CHRNB2: variants seen among roughly 807,000 people sequenced by gnomAD.
CHRNB2 encodes the protein cholinergic receptor nicotinic beta 2 subunit, also known as neuronal acetylcholine receptor subunit beta-2.
Under a neutral mutation model 42.7 loss-of-function variants are expected in CHRNB2, and 33 were observed. The ratio of observed to expected loss-of-function variants is 0.77; its 90% CI spans 0.59 to 1.03. The LOEUF (loss-of-function observed/expected upper bound fraction) is 1.03, where lower values mean the gene tolerates loss of function less well. CHRNB2 is among the 50% of genes least tolerant of loss of function. CHRNB2 has a pLI of 0.00. For missense variants in CHRNB2, 603 were observed against 700.9 expected (o/e 0.86, Z 1.58); for synonymous variants, 325 against 292.9 (o/e 1.11, Z -1.12).
rs1696329793 is a variant in CHRNB2, at chr1:154,578,644, GGA to G, written c.*2716_*2717del. The G allele has an allele frequency of 2.0e-5, 3 of 152,310 alleles. No homozygotes were observed. The highest frequency in any genetic ancestry group is 2.0e-4 in the Admixed American group (3 of 15,284). The allele number at this position is 152,310 out of a possible 1,614,324, so 9.4% of individuals were successfully genotyped here. ...CCAGGCAAGGTGCTACCATGTGGTG[GGA>G]GAGTGTGAACCCTCAAGTGCACTGG... On this transcript the variant is annotated 3_prime_UTR_variant, in exon 6 of 6. Coordinates refer to ENST00000368476, the MANE Select transcript of CHRNB2 (RefSeq NM_000748.3).
At chr1:154,568,163 A>G in intron 1 of CHRNB2, 55 bp downstream of exon 1, 1 of 1,548,624 alleles carries the variant, frequency 6.5e-7, no homozygotes, top group African/African-American at 1.4e-5. Context: ...ACGGCCCAAG[A>G]CTCGCCGCCC....
rs1417926372 is a variant in CHRNB2 at position 154,576,607 on chromosome 1, C to A, written c.*675C>A. 25 of 159,354 alleles carry A rather than the reference C, an allele frequency of 1.6e-4. No homozygotes were observed. Among genetic ancestry groups the A allele is most frequent in the Admixed American group, 1.5e-3 (25 of 16,782 alleles). The allele number at this position is 159,354 out of a possible 1,614,324, so 9.9% of individuals were successfully genotyped here. On this transcript the variant is annotated 3_prime_UTR_variant, in exon 6 of 6. Transcript: ENST00000368476. ...GATCCTCTTTCCCCACTGAAGAATT[C>A]TGCACCCTCTGGACTTCCCTCTTCT...
In CHRNB2 at chr1:154,567,847, T is replaced by C. The variant is rs1696087180; in HGVS notation, c.-198T>C. The C allele has an allele frequency of 2.1e-6, 1 of 474,096 alleles. No individual in the cohort carries two copies. The highest frequency in any genetic ancestry group is 3.6e-6 in the Non-Finnish European group (1 of 274,288). The allele number at this position is 474,096 out of a possible 1,614,324, so 29.4% of individuals were successfully genotyped here. A position where few individuals can be genotyped will look rare whatever the true frequency, so the allele number is the denominator to read the frequency against. On this transcript the variant is annotated 5_prime_UTR_variant, in exon 1 of 6. Transcript: ENST00000368476. ...AGCCGGAAAAGCCTCCGCCTGCTCA[T>C]ACCAGGATAGGCAAGAAGCTGGTTT...
Position 154,571,887 on chromosome 1 carries a change from ATT to A in CHRNB2, c.1065_1066del (p.His355GlnfsTer14). Reference sequence around the variant, plus strand: ...CTCTTCATGCAGCAGCCACGCCATCATTGCGCCCGTCAGCGCCTGCGCCTGCG... The same window carrying A: ...CTCTTCATGCAGCAGCCACGCCATCAGCGCCCGTCAGCGCCTGCGCCTGCG... On this transcript the variant is annotated frameshift_variant, in exon 5 of 6. Coordinates refer to ENST00000368476, the MANE Select transcript of CHRNB2 (RefSeq NM_000748.3). LOFTEE classifies it high-confidence loss of function. The surrounding 1 kb of genome is among the most constrained non-coding windows in gnomAD (Gnocchi z 6.8). 1 of 1,594,630 alleles carries A rather than the reference ATT, an allele frequency of 6.3e-7. No homozygotes were observed. Among genetic ancestry groups the A allele is most frequent in the Non-Finnish European group, 8.5e-7 (1 of 1,173,804 alleles).
In CHRNB2 at chr1:154,567,921, C is replaced by A; in HGVS notation, c.-124C>A. ...GCCCAGGAACCACCGCGGCGGCCGG[C>A]ACCACCTGGACCCAGCTCCAGGCGG... On this transcript the variant is annotated 5_prime_UTR_variant, in exon 1 of 6. Coordinates refer to ENST00000368476, the MANE Select transcript of CHRNB2 (RefSeq NM_000748.3). 1 of 865,402 alleles carries A rather than the reference C, an allele frequency of 1.2e-6. No homozygotes were observed. Among genetic ancestry groups the A allele is most frequent in the Non-Finnish European group, 1.6e-6 (1 of 622,016 alleles). 53.6% of individuals were successfully genotyped at this position (865,402 alleles called of 1,614,324 possible).
chr1:154,571,211 T>A lies in CHRNB2; in HGVS notation c.388T>A (p.Ser130Thr). ...CAGTGCTGACGGCATGTACGAGGTG[T>A]CCTTCTATTCCAATGCCGTGGTCTC... ...YNNADGMYEV[S>T]FYSNAVVSYD... The change falls in exon 5 of 6, where the codon TCC (serine) becomes ACC (threonine). Residue 130 changes from serine to threonine, a missense_variant. Transcript: ENST00000368476. This position sits in a 1 kb window ranked among gnomAD's most constrained non-coding sequence, Gnocchi z 6.8. The A allele has an allele frequency of 1.2e-6, 2 of 1,614,198 alleles. No homozygotes were observed. Among genetic ancestry groups the A allele is most frequent in the Non-Finnish European group, 1.7e-6 (2 of 1,180,042 alleles).
chr1:154,575,510 G>A (rs371001008), intron 5 of CHRNB2, among the ~76,000 whole-genome samples: 5 of 152,274 alleles, frequency 3.3e-5, no homozygotes, highest in African/African-American at 1.2e-4. Flanking sequence ...TTATGGGGTG[G>A]GAGGAGGAGG....
intron 5 of CHRNB2, among the ~76,000 whole-genome samples, chr1:154,573,648 C>T (rs572379102): frequency 6.6e-6 from 1 of 152,350 alleles, no homozygotes; most frequent in Non-Finnish European, 1.5e-5. Context: ...TCCTAATAGT[C>T]TCCCTGATTC....
In CHRNB2 at chr1:154,567,945, G is replaced by A. The variant is rs914903479; in HGVS notation, c.-100G>A. Reference sequence around the variant, plus strand: ...GCACCACCTGGACCCAGCTCCAGGCGGGCGCGGCTTCAGCACCACGGACAG... The same window carrying A: ...GCACCACCTGGACCCAGCTCCAGGCAGGCGCGGCTTCAGCACCACGGACAG... On this transcript the variant is annotated 5_prime_UTR_variant, in exon 1 of 6. Transcript: ENST00000368476. 1 of 1,147,636 alleles carries A rather than the reference G, an allele frequency of 8.7e-7. No homozygotes were observed. Among genetic ancestry groups the A allele is most frequent in the East Asian group, 3.2e-5 (1 of 31,698 alleles). 71.1% of individuals were successfully genotyped at this position (1,147,636 alleles called of 1,614,324 possible).
In CHRNB2 at chr1:154,571,939, C is replaced by A; in HGVS notation, c.1116C>A (p.Gly372=). The A allele has an allele frequency of 2.6e-6, 4 of 1,550,880 alleles. No homozygotes were observed. The highest frequency in any genetic ancestry group is 3.5e-6 in the Non-Finnish European group (4 of 1,153,246). ...GGCGACGCCAGCGTGAGCGCGAGGG[C>A]GCTGGAGCCCTCTTCTTCCGCGAAG... is the stretch of plus-strand genomic sequence containing the variant. ...RLRRRQRERE[G]AGALFFREAP... Residue 372 remains glycine (G), a synonymous_variant, in exon 5 of 6, where the codon GGC becomes GGA. Coordinates refer to ENST00000368476, the MANE Select transcript of CHRNB2 (RefSeq NM_000748.3). This position sits in a 1 kb window ranked among gnomAD's most constrained non-coding sequence, Gnocchi z 6.8.
At chr1:154,569,249 G>C (rs1696116816) in intron 1 of CHRNB2, among the ~76,000 whole-genome samples, 1 of 151,994 alleles carries the variant, frequency 6.6e-6, no homozygotes, top group African/African-American at 2.4e-5. Flanking sequence ...GTGGAGCTGT[G>C]TAGACTCTTT....
chr1:154,568,967 C>T (rs1696112189), intron 1 of CHRNB2, among the ~76,000 whole-genome samples: 1 of 151,820 alleles, frequency 6.6e-6, no homozygotes, highest in Non-Finnish European at 1.5e-5. Flanking sequence ...GTCATTTGCA[C>T]ATGTAAATGG....
chr1:154,570,371 G>T lies in CHRNB2; in HGVS notation c.365+4G>T, dbSNP rs776707112. 6.4e-7 allele frequency: 1 copy of T among 1,573,596 alleles called. No homozygotes were observed. Among genetic ancestry groups the T allele is most frequent in the East Asian group, 2.2e-5 (1 of 44,672 alleles). ...CAGATGTGGTCCTGTACAACAAGTAGGTGCAATGGGAAGGTTGGGGGAGAC... is the reference window on the plus strand; with the variant it reads ...CAGATGTGGTCCTGTACAACAAGTATGTGCAATGGGAAGGTTGGGGGAGAC... On this transcript the variant is annotated splice_donor_region_variant and intron_variant, in intron 4 of 5. Transcript: ENST00000368476.
At chr1:154,573,516 G>A (rs1696214853) in intron 5 of CHRNB2, among the ~76,000 whole-genome samples, 1 of 152,166 alleles carries the variant, frequency 6.6e-6, no homozygotes, top group African/African-American at 2.4e-5. Context: ...CAATTCATCA[G>A]AAGTCTTGTC....
At position 154,576,084 on chromosome 1, in the gene CHRNB2, C is replaced by T. The variant is rs202031218; in HGVS notation, c.*152C>T. The T allele has an allele frequency of 2.2e-5, 20 of 924,056 alleles. No homozygotes were observed. In the African/African-American group the frequency reaches 2.9e-4, roughly 14 times the overall value. 57.2% of individuals were successfully genotyped at this position (924,056 alleles called of 1,614,324 possible). ...CATCTGGAGTCCCTCCTCCCCCACGCCTCCATCCACACACAGCAGCTCCAA... is the reference window on the plus strand; with the variant it reads ...CATCTGGAGTCCCTCCTCCCCCACGTCTCCATCCACACACAGCAGCTCCAA... On this transcript the variant is annotated 3_prime_UTR_variant, in exon 6 of 6. Coordinates refer to ENST00000368476, the MANE Select transcript of CHRNB2 (RefSeq NM_000748.3).
At chr1:154,575,737 G>T in intron 5 of CHRNB2, 25 bp from the exon 6 acceptor site, 3 of 1,613,864 alleles carry the variant, frequency 1.9e-6, no homozygotes, top group Non-Finnish European at 2.5e-6. Context: ...ATGTGACCTG[G>T]GCCTCCTCCG....
intron 4 of CHRNB2, 25 bp downstream of exon 4, chr1:154,570,392 G>A (rs1309096774): frequency 7.3e-7 from 1 of 1,371,218 alleles, no homozygotes; most frequent in African/African-American, 1.4e-5. Flanking sequence ...AAGGTTGGGG[G>A]AGACCATTGG....
chr1:154,575,215 C>T (rs1217146680), intron 5 of CHRNB2, among the ~76,000 whole-genome samples: 5 of 152,168 alleles, frequency 3.3e-5, no homozygotes, highest in East Asian at 1.9e-4. Flanking sequence ...TGTTTAGGAA[C>T]TTGTAGCTTA....
chr1:154,575,864 C>G lies in CHRNB2; in HGVS notation c.1441C>G (p.Pro481Ala). 1.2e-6 allele frequency: 2 copies of G among 1,614,180 alleles called. No homozygotes were observed. Among genetic ancestry groups the G allele is most frequent in the Non-Finnish European group, 1.7e-6 (2 of 1,180,040 alleles). The change falls in exon 6 of 6, where the codon CCT becomes GCT. Residue 481 changes from proline (P) to alanine (A), a missense_variant. Physicochemically the swap from Pro to Ala is conservative, Grantham distance 27. Coordinates refer to ENST00000368476, the MANE Select transcript of CHRNB2 (RefSeq NM_000748.3). ...TGGCACCATCGGCATGTTCCTGCAG[C>G]CTCTCTTCCAGAACTACACCACCAC... ...VFGTIGMFLQ[P>A]LFQNYTTTTF...
Sources: allele counts gnomAD v4.1 joint callset (sites outside exome capture counted in the v4.1 genomes callset), GRCh38; gene constraint gnomAD v4.1.1; non-coding constraint Gnocchi (gnomAD v3.1); transcripts MANE v1.5; gene names NCBI Gene and HGNC (gene_info 2026-07-23, HGNC 2026-07-21).